The following ATP8B4 variants were observed in gnomAD, a reference collection of about 807,000 sequenced individuals.
ATP8B4 encodes probable phospholipid-transporting ATPase IM.
A neutral mutation model predicts 145.6 loss-of-function variants in ATP8B4; 133 were observed. The observed-to-expected ratio is 0.91, with a 90% CI of 0.79 to 1.05. The LOEUF (loss-of-function observed/expected upper bound fraction) is 1.05, where lower values mean the gene tolerates loss of function less well. Among genes scored for constraint, ATP8B4 ranks in the 50% least tolerant of loss-of-function variants. ATP8B4 has a pLI of 0.00. For synonymous variants in ATP8B4, 507 were observed against 492.9 expected (o/e 1.03, Z -0.38); for missense variants, 1,458 against 1,425.2 (o/e 1.02, Z -0.37).
At chr15:50,085,420 G>C (rs908968793) in intron 2 of ATP8B4, among the ~76,000 whole-genome samples, 2 of 152,106 alleles carry the variant, frequency 1.3e-5, no homozygotes, top group African/African-American at 4.8e-5. Context: ...ACATGAGTTT[G>C]TGTTTCCTGG....
chr15:49,915,628 G>C (rs2039660176), intron 20 of ATP8B4, among the ~76,000 whole-genome samples: 1 of 151,760 alleles, frequency 6.6e-6, no homozygotes, highest in African/African-American at 2.4e-5. Flanking sequence ...AAATCAAAAG[G>C]TAAAGAATCT....
intron 3 of ATP8B4, among the ~76,000 whole-genome samples, chr15:50,055,685 C>T (rs2153616214): frequency 6.6e-6 from 1 of 152,206 alleles, no homozygotes; most frequent in South Asian, 2.1e-4. Context: ...TGGTACAATC[C>T]AGATTCCAGA....
intron 20 of ATP8B4, among the ~76,000 whole-genome samples, chr15:49,904,252 T>C (rs1039736482): frequency 6.6e-6 from 1 of 152,148 alleles, no homozygotes; most frequent in African/African-American, 2.4e-5. Flanking sequence ...CTGCCAACAG[T>C]AGAGAAAGGG....
At chr15:49,902,059 G>A (rs2038097433) in intron 20 of ATP8B4, 1 of 176,946 alleles carries the variant, frequency 5.7e-6, no homozygotes. Flanking sequence ...CTCCAAAATG[G>A]AAAGATGATG....
At chr15:49,918,528 T>G (rs77087350) in intron 19 of ATP8B4, among the ~76,000 whole-genome samples, 1 of 152,168 alleles carries the variant, frequency 6.6e-6, no homozygotes, top group African/African-American at 2.4e-5. Context: ...CTGGGGACAG[T>G]GTTCATATAA....
chr15:49,878,522 C>T (rs1351503407), intron 24 of ATP8B4, among the ~76,000 whole-genome samples: 2 of 152,156 alleles, frequency 1.3e-5, no homozygotes, highest in African/African-American at 4.8e-5. Flanking sequence ...CTTAAAAATA[C>T]TTTTTTAAAA....
At chr15:50,052,064 T>C (rs981743990) in intron 3 of ATP8B4, among the ~76,000 whole-genome samples, 17 of 152,194 alleles carry the variant, frequency 1.1e-4, no homozygotes, top group Admixed American at 1.1e-3. Flanking sequence ...TTTCTTTGTT[T>C]TTCAACCAAA....
At chr15:49,923,188 C>T (rs540946931) in intron 17 of ATP8B4, among the ~76,000 whole-genome samples, 191 bp downstream of exon 17, 11 of 152,320 alleles carry the variant, frequency 7.2e-5, no homozygotes, top group Non-Finnish European at 1.0e-4. Flanking sequence ...GGACTTCCAA[C>T]GGGGCAGAAA....
At chr15:50,081,145 G>T (rs938397275) in intron 2 of ATP8B4, among the ~76,000 whole-genome samples, 2 of 145,848 alleles carry the variant, frequency 1.4e-5, no homozygotes, top group Non-Finnish European at 3.0e-5. Flanking sequence ...CCTCATAAAA[G>T]AAAAAGACGC....
At chr15:49,908,314 C>T (rs1173208033) in intron 20 of ATP8B4, among the ~76,000 whole-genome samples, 1 of 152,080 alleles carries the variant, frequency 6.6e-6, no homozygotes, top group Non-Finnish European at 1.5e-5. Flanking sequence ...CAAAGAAGCA[C>T]CAAGATAGAG....
chr15:50,030,983 C>A (rs184413624), intron 6 of ATP8B4, among the ~76,000 whole-genome samples: 1 of 152,176 alleles, frequency 6.6e-6, no homozygotes, highest in Admixed American at 6.5e-5. Flanking sequence ...GCAAAGGAAC[C>A]CTTCCATCTG....
At chr15:49,910,057 T>C (rs1426239236) in intron 20 of ATP8B4, among the ~76,000 whole-genome samples, 1 of 152,072 alleles carries the variant, frequency 6.6e-6, no homozygotes, top group African/African-American at 2.4e-5. Flanking sequence ...TAAGGAAGTT[T>C]AGTGAGATAC....
At chr15:49,997,892 G>A (rs1340591472) in intron 8 of ATP8B4, among the ~76,000 whole-genome samples, 1 of 152,082 alleles carries the variant, frequency 6.6e-6, no homozygotes, top group East Asian at 1.9e-4. Flanking sequence ...TTTCTAGGAC[G>A]CAGAGATGAG....
At chr15:50,124,540 T>C (rs1341750499) in intron 1 of ATP8B4, among the ~76,000 whole-genome samples, 1 of 152,174 alleles carries the variant, frequency 6.6e-6, no homozygotes, top group Non-Finnish European at 1.5e-5. Context: ...CTAATAAAAT[T>C]TCAGGAATTA....
At chr15:50,001,761 GAC>G (rs1389513126) in intron 8 of ATP8B4, among the ~76,000 whole-genome samples, 1 of 152,008 alleles carries the variant, frequency 6.6e-6, no homozygotes, top group Non-Finnish European at 1.5e-5. Context: ...GTCTTCATTT[GAC>G]ACAGTTCCAA....
At chr15:50,169,799 A>G (rs2044645442) in intron 1 of ATP8B4, among the ~76,000 whole-genome samples, 1 of 152,220 alleles carries the variant, frequency 6.6e-6, no homozygotes, top group African/African-American at 2.4e-5. Flanking sequence ...AAGTGAAGGG[A>G]GAATTATTTA....
At chr15:49,988,246 C>T (rs766284611) in intron 9 of ATP8B4, among the ~76,000 whole-genome samples, 2 of 152,148 alleles carry the variant, frequency 1.3e-5, no homozygotes, top group Admixed American at 6.6e-5. Flanking sequence ...CGAATCAATT[C>T]GTTCCATTAT....
chr15:49,971,324 T>C (rs1336625052), intron 13 of ATP8B4, among the ~76,000 whole-genome samples: 6 of 152,010 alleles, frequency 3.9e-5, no homozygotes, highest in East Asian at 1.9e-4. Context: ...ATCATCAGAG[T>C]GAACAGGCAA....
intron 23 of ATP8B4, among the ~76,000 whole-genome samples, chr15:49,885,408 A>G (rs1240343970): frequency 2.0e-5 from 3 of 152,128 alleles, no homozygotes; most frequent in African/African-American, 7.2e-5. Context: ...TTATGTCTTT[A>G]TTATCTGTCT....
Sources: allele counts gnomAD v4.1 joint callset (sites outside exome capture counted in the v4.1 genomes callset), GRCh38; gene constraint gnomAD v4.1.1; transcripts MANE v1.5; gene names NCBI Gene and HGNC (gene_info 2026-07-23, HGNC 2026-07-21).